The following NTM variants were observed in gnomAD, a reference collection of about 807,000 sequenced individuals.
NTM encodes the protein IgLON family member 2.
In NTM, 13 loss-of-function variants were observed where a neutral mutation model predicts 42.1. That is an observed-to-expected ratio of 0.31 (90% CI 0.20 to 0.49). NTM has a LOEUF of 0.49. Among genes scored for constraint, NTM ranks in the 20% least tolerant of loss-of-function variants. The pLI is 0.99. For synonymous variants in NTM, 187 were observed against 179.2 expected (o/e 1.04, Z -0.35); for missense variants, 373 against 452.8 (o/e 0.82, Z 1.60).
chr11:131,502,150 T>G (rs426690), intron 1 of NTM, among the ~76,000 whole-genome samples: 48,818 of 151,718 alleles, frequency 0.32, 8,001 homozygotes, highest in South Asian at 0.34. Flanking sequence ...CCCTCAACAT[T>G]CCCATGTTGA....
intron 3 of NTM, among the ~76,000 whole-genome samples, chr11:132,185,124 A>C (rs1284523912): frequency 6.6e-6 from 1 of 152,180 alleles, no homozygotes; most frequent in East Asian, 1.9e-4. Context: ...AAAGTGAAAA[A>C]CAAAACAAAA....
At chr11:132,029,221 G>T (rs2135625290) in intron 2 of NTM, among the ~76,000 whole-genome samples, 1 of 151,872 alleles carries the variant, frequency 6.6e-6, no homozygotes, top group African/African-American at 2.4e-5. Context: ...TTAAGTTTTA[G>T]GGTACATGTG....
At chr11:131,688,961 T>C (rs1343477139) in intron 1 of NTM, among the ~76,000 whole-genome samples, 1 of 152,244 alleles carries the variant, frequency 6.6e-6, no homozygotes, top group African/African-American at 2.4e-5. Flanking sequence ...TGGTGCGTTC[T>C]GCAGGACACA....
intron 1 of NTM, among the ~76,000 whole-genome samples, chr11:131,492,826 CT>C (rs1266682813): frequency 9.9e-5 from 15 of 152,156 alleles, no homozygotes; most frequent in Admixed American, 6.5e-5. Context: ...GTACTAGATT[CT>C]GTGAACAAAC....
chr11:132,138,524 G>GT (rs2068396030), intron 2 of NTM, among the ~76,000 whole-genome samples: 1 of 149,844 alleles, frequency 6.7e-6, no homozygotes, highest in South Asian at 2.1e-4. Flanking sequence ...GCAGTGTGGG[G>GT]TGGGAGTGTG....
intron 1 of NTM, among the ~76,000 whole-genome samples, chr11:131,522,094 T>G (rs77123141): frequency 0.022 from 3,399 of 152,268 alleles, 135 homozygotes; most frequent in African/African-American, 0.078. Context: ...ATTAGAGAGA[T>G]GTATAATTTT....
intron 2 of NTM, among the ~76,000 whole-genome samples, chr11:131,975,169 C>G (rs1454385770): frequency 1.3e-5 from 2 of 150,344 alleles, no homozygotes; most frequent in African/African-American, 4.9e-5. Flanking sequence ...ACAAGTGGGA[C>G]CAAAATAAGA....
At chr11:131,382,716 C>T (rs1183065950) in intron 1 of NTM, among the ~76,000 whole-genome samples, 2 of 152,138 alleles carry the variant, frequency 1.3e-5, no homozygotes, top group Non-Finnish European at 2.9e-5. Context: ...CATCGCATGG[C>T]ACAGTTTCTG....
At chr11:131,456,035 T>A (rs1950859429) in intron 1 of NTM, among the ~76,000 whole-genome samples, 1 of 152,240 alleles carries the variant, frequency 6.6e-6, no homozygotes, top group African/African-American at 2.4e-5. Context: ...CATTTGTGCC[T>A]AGGTTGCAAA....
intron 1 of NTM, among the ~76,000 whole-genome samples, chr11:131,765,417 T>A (rs2135853101): frequency 6.6e-6 from 1 of 152,322 alleles, no homozygotes; most frequent in African/African-American, 2.4e-5. Flanking sequence ...CTCTAGGGCC[T>A]TTGCACTCAG....
chr11:132,058,366 A>G (rs1462627162), intron 2 of NTM, among the ~76,000 whole-genome samples: 2 of 152,136 alleles, frequency 1.3e-5, no homozygotes, highest in Non-Finnish European at 2.9e-5. Context: ...TGATCCTCCC[A>G]ATGTCACCTG....
At chr11:131,510,638 T>C (rs927265317) in intron 1 of NTM, among the ~76,000 whole-genome samples, 4 of 152,216 alleles carry the variant, frequency 2.6e-5, no homozygotes, top group Non-Finnish European at 4.4e-5. Flanking sequence ...GATCATTTGA[T>C]GATTGTTGCT....
At chr11:131,834,807 A>G (rs1248687778) in intron 1 of NTM, among the ~76,000 whole-genome samples, 2 of 151,936 alleles carry the variant, frequency 1.3e-5, no homozygotes, top group Non-Finnish European at 2.9e-5. Context: ...TCTGTAGCCC[A>G]TAATTTAGAT....
At chr11:131,532,962 A>G (rs548562203) in intron 1 of NTM, among the ~76,000 whole-genome samples, 1 of 152,062 alleles carries the variant, frequency 6.6e-6, no homozygotes, top group South Asian at 2.1e-4. Context: ...TGTGACTACC[A>G]GGAGATCTAG....
At chr11:131,683,852 C>T (rs2073398742) in intron 1 of NTM, among the ~76,000 whole-genome samples, 2 of 152,186 alleles carry the variant, frequency 1.3e-5, no homozygotes, top group African/African-American at 4.8e-5. Flanking sequence ...AGGCTGACTT[C>T]TCCCCGGGGT....
intron 1 of NTM, among the ~76,000 whole-genome samples, chr11:131,784,010 A>T (rs1182595393): frequency 1.3e-5 from 2 of 152,206 alleles, no homozygotes; most frequent in Non-Finnish European, 2.9e-5. Flanking sequence ...GGCCAATGAG[A>T]AAGATCAATA....
At chr11:132,203,854 G>A (rs1037477672) in intron 3 of NTM, among the ~76,000 whole-genome samples, 3 of 151,970 alleles carry the variant, frequency 2.0e-5, no homozygotes, top group South Asian at 2.1e-4. Context: ...AGCCTAGATC[G>A]CACCACTGCA....
chr11:132,334,051 G>T (rs1055768793), intron 8 of NTM, among the ~76,000 whole-genome samples: 2 of 152,200 alleles, frequency 1.3e-5, no homozygotes, highest in Non-Finnish European at 2.9e-5. Context: ...TAAATTCAAT[G>T]CAACAGAGTA....
At chr11:131,889,517 C>A (rs1050328409) in intron 1 of NTM, among the ~76,000 whole-genome samples, 4 of 152,114 alleles carry the variant, frequency 2.6e-5, no homozygotes, top group Non-Finnish European at 5.9e-5. Context: ...CTTTGACGGC[C>A]CAGTGTGTGG....
Sources: gnomAD v4.1 joint callset for allele counts (sites outside exome capture counted in the v4.1 genomes callset) on GRCh38, gnomAD v4.1.1 for gene constraint, MANE v1.5 for transcripts, NCBI Gene and HGNC (gene_info 2026-07-23, HGNC 2026-07-21) for gene names.